SNX13: variants seen among roughly 807,000 people sequenced by gnomAD.
SNX13 encodes sorting nexin-13.
Under a neutral mutation model 133.6 loss-of-function variants are expected in SNX13, and 45 were observed. The observed-to-expected ratio is 0.34, with a 90% CI of 0.27 to 0.43. SNX13 has a LOEUF of 0.43. SNX13 is among the 20% of genes least tolerant of loss of function. The pLI is 1.00. For missense variants in SNX13, 1,032 were observed against 1,145.1 expected, an observed-to-expected ratio of 0.90 and a Z score of 1.43; for synonymous variants, 414 against 373.9, an observed-to-expected ratio of 1.11 and a Z score of -1.24.
chr7:17,911,549 G>A (rs1258429243), intron 1 of SNX13, among the ~76,000 whole-genome samples: 2 of 150,710 alleles, frequency 1.3e-5, no homozygotes, highest in African/African-American at 2.4e-5. Context: ...TAAGGCAGGA[G>A]AACTGCTTGA....
rs1396975549 is a variant in SNX13 at position 17,799,011 on chromosome 7, A to G, written c.2442T>C (p.Asn814=). The part of the protein sequence containing the change: ...LIRATYGDTI[N]RKIVDHVDWM... Reference sequence around the variant, plus strand: ...AAGCGAGGAGGAAAGAGTGCTACCTATTAATAGTATCGCCATATGTAGCTC... The same window carrying G: ...AAGCGAGGAGGAAAGAGTGCTACCTGTTAATAGTATCGCCATATGTAGCTC... Residue 814 remains asparagine (N), a splice_region_variant and synonymous_variant, in exon 23 of 26, where the codon AAT becomes AAC. Transcript: ENST00000428135. 6.2e-7 allele frequency: 1 copy of G among 1,608,954 alleles called. No individual in the cohort carries two copies.
chr7:17,846,360 A>C (rs767321735), intron 11 of SNX13, among the ~76,000 whole-genome samples: 2 of 152,190 alleles, frequency 1.3e-5, no homozygotes, highest in Non-Finnish European at 2.9e-5. Context: ...ATCCTGTTGG[A>C]TATGTATCAC....
intron 9 of SNX13, among the ~76,000 whole-genome samples, chr7:17,860,672 G>A (rs1792565798): frequency 6.6e-6 from 1 of 152,100 alleles, no homozygotes; most frequent in Non-Finnish European, 1.5e-5. Flanking sequence ...TCATCCTTTT[G>A]CATGTGGCTA....
intron 15 of SNX13, chr7:17,830,894 C>T (rs1788412077): frequency 1.0e-6 from 1 of 984,326 alleles, no homozygotes; most frequent in African/African-American, 1.7e-5. Flanking sequence ...CACTACTATT[C>T]CTACAAGGAG....
intron 15 of SNX13, chr7:17,830,337 T>C (rs1788352683): frequency 2.0e-6 from 2 of 984,342 alleles, no homozygotes; most frequent in Non-Finnish European, 2.4e-6. Context: ...TTTATTCTCA[T>C]GGTATCAAGT....
intron 1 of SNX13, among the ~76,000 whole-genome samples, chr7:17,924,737 G>A (rs117458150): frequency 0.03 from 4,526 of 152,258 alleles, 132 homozygotes; most frequent in Admixed American, 0.051. Flanking sequence ...AGCAACTGAT[G>A]AAAGGATAAG....
chr7:17,822,400 T>C (rs1787398929), intron 17 of SNX13, among the ~76,000 whole-genome samples: 1 of 152,174 alleles, frequency 6.6e-6, no homozygotes, highest in African/African-American at 2.4e-5. Context: ...CAAAAGTTAA[T>C]AGTGAGTCTC....
intron 1 of SNX13, among the ~76,000 whole-genome samples, chr7:17,938,707 G>T (rs1232948909): frequency 6.6e-6 from 1 of 152,100 alleles, no homozygotes; most frequent in Admixed American, 6.5e-5. Flanking sequence ...TCATTTTACT[G>T]GCAGACACAC....
At chr7:17,891,157 A>C (rs1457855612) in intron 4 of SNX13, among the ~76,000 whole-genome samples, 3 of 151,964 alleles carry the variant, frequency 2.0e-5, no homozygotes, top group Non-Finnish European at 4.4e-5. Context: ...ACCTATCTCT[A>C]ATTTTTTAAT....
chr7:17,850,326 A>C (rs1791061119), intron 11 of SNX13, 21 bp downstream of exon 11: 2 of 1,529,570 alleles, frequency 1.3e-6, no homozygotes, highest in African/African-American at 1.4e-5. Context: ...CTAAACGTTA[A>C]TTCAAAACTA....
intron 18 of SNX13, among the ~76,000 whole-genome samples, chr7:17,819,523 G>A (rs1787046779): frequency 6.6e-6 from 1 of 152,092 alleles, no homozygotes; most frequent in South Asian, 2.1e-4. Context: ...CACCGCGCTT[G>A]GCATTGGAAA....
intron 9 of SNX13, among the ~76,000 whole-genome samples, chr7:17,865,649 T>C (rs1793307523): frequency 6.6e-6 from 1 of 152,084 alleles, no homozygotes; most frequent in East Asian, 1.9e-4. Flanking sequence ...TGTATTAATA[T>C]ATGGAACCAC....
rs1054886130 is a variant in SNX13 at position 17,843,181 on chromosome 7, G to C, written c.1165+2414C>G. On this transcript the variant is annotated intron_variant, in intron 12 of 25. Coordinates refer to ENST00000428135, the MANE Select transcript of SNX13 (RefSeq NM_015132.5). ...AAAAAAATCAATCCAATGATATACT[G>C]TCTACAAAGACTTTAGATACAAAGA... Among the ~76,000 whole-genome samples the C allele has an allele frequency of 3.9e-5, 6 of 151,924 alleles. No homozygotes were observed. The East Asian group carries it at 9.6e-4, about 24-fold the overall frequency.
At chr7:17,827,287 C>T (rs1168625637) in intron 16 of SNX13, among the ~76,000 whole-genome samples, 1 of 151,966 alleles carries the variant, frequency 6.6e-6, no homozygotes, top group Admixed American at 6.6e-5. Context: ...CATATATAAT[C>T]TAGACATGTT....
intron 15 of SNX13, among the ~76,000 whole-genome samples, chr7:17,833,113 C>T (rs1319486529): frequency 6.6e-6 from 1 of 151,490 alleles, no homozygotes; most frequent in Non-Finnish European, 1.5e-5. Context: ...TGACTTCATT[C>T]ACTTGGTAGA....
chr7:17,868,122 A>G (rs1165069278), intron 9 of SNX13, among the ~76,000 whole-genome samples: 2 of 152,132 alleles, frequency 1.3e-5, no homozygotes, highest in Non-Finnish European at 2.9e-5. Context: ...CATTAAAAAT[A>G]CTCATCATCT....
At chr7:17,931,549 C>G (rs1801392461) in intron 1 of SNX13, among the ~76,000 whole-genome samples, 1 of 152,150 alleles carries the variant, frequency 6.6e-6, no homozygotes, top group African/African-American at 2.4e-5. Context: ...CTATGCTAAG[C>G]CAGTCAGGCT....
chr7:17,805,250 T>TGTGTGTGTGTGTGCGCGC lies in SNX13; in HGVS notation c.2065-1671_2065-1670insGCGCGCACACACACACAC. Among the ~76,000 whole-genome samples the TGTGTGTGTGTGTGCGCGC allele has an allele frequency of 2.9e-3, 278 of 95,548 alleles. 6 individuals are homozygous for TGTGTGTGTGTGTGCGCGC. The highest frequency in any genetic ancestry group is 6.6e-3 in the African/African-American group (209 of 31,834). The allele number at this position is 95,548 out of a possible 152,430, so 62.7% of individuals were successfully genotyped here. On this transcript the variant is annotated intron_variant, in intron 20 of 25. Coordinates refer to ENST00000428135, the MANE Select transcript of SNX13 (RefSeq NM_015132.5). The stretch of plus-strand genomic sequence containing the variant: ...GTGTGTGTGTGTGTGTGTGTGTGTG[T>TGTGTGTGTGTGTGCGCGC]GCGTGCGCGCGCGCGCATGCATGCA...
intron 1 of SNX13, among the ~76,000 whole-genome samples, chr7:17,934,733 A>G (rs934995698): frequency 2.0e-5 from 3 of 152,242 alleles, no homozygotes; most frequent in Non-Finnish European, 4.4e-5. Context: ...GCTTGAATAG[A>G]CATGTCTCAA....
Sources: gnomAD v4.1 joint callset for allele counts (sites outside exome capture counted in the v4.1 genomes callset) on GRCh38, gnomAD v4.1.1 for gene constraint, MANE v1.5 for transcripts, NCBI Gene and HGNC (gene_info 2026-07-23, HGNC 2026-07-21) for gene names.